Variants in ADGRL3 observed in about 807,000 individuals in gnomAD.
ADGRL3 encodes calcium-independent alpha-latrotoxin receptor 3.
ADGRL3 carries 62 observed loss-of-function variants against 153.5 expected under a neutral mutation model. The observed-to-expected ratio is 0.40, with a 90% CI of 0.33 to 0.50. The LOEUF (loss-of-function observed/expected upper bound fraction) is 0.50. ADGRL3 is among the 20% of genes least tolerant of loss of function. ADGRL3 has a pLI of 0.47. For synonymous variants in ADGRL3, 710 were observed against 672.5 expected, an observed-to-expected ratio of 1.06 and a Z score of -0.86; for missense variants, 1,641 against 1,859.4, an observed-to-expected ratio of 0.88 and a Z score of 2.16.
intron 2 of ADGRL3, among the ~76,000 whole-genome samples, chr4:61,432,181 T>C (rs1028617293): frequency 6.6e-6 from 1 of 152,200 alleles, no homozygotes; most frequent in Admixed American, 6.5e-5. Context: ...ATGTCATAAA[T>C]TTTTGTTGGT....
intron 1 of ADGRL3, among the ~76,000 whole-genome samples, chr4:61,340,423 C>CT (rs371760287): frequency 7.4e-4 from 109 of 148,292 alleles, no homozygotes; most frequent in Admixed American, 4.6e-3. Context: ...TAGGCATTCT[C>CT]TTTTTTTTTT....
At chr4:61,490,970 T>C (rs1436629890) in intron 2 of ADGRL3, among the ~76,000 whole-genome samples, 2 of 152,154 alleles carry the variant, frequency 1.3e-5, no homozygotes, top group African/African-American at 2.4e-5. Context: ...ACATAATATA[T>C]TTTACTGAGT....
At chr4:61,825,054 G>A (rs1272248136) in intron 9 of ADGRL3, among the ~76,000 whole-genome samples, 1 of 152,156 alleles carries the variant, frequency 6.6e-6, no homozygotes, top group East Asian at 1.9e-4. Context: ...TCAATGCCAA[G>A]AAGCACTTTT....
At chr4:61,743,140 G>A (rs530952340) in intron 8 of ADGRL3, among the ~76,000 whole-genome samples, 73 of 151,706 alleles carry the variant, frequency 4.8e-4, no homozygotes, top group African/African-American at 1.1e-3. Flanking sequence ...CTAACATGGC[G>A]AAACCCCGTC....
intron 1 of ADGRL3, among the ~76,000 whole-genome samples, chr4:61,365,718 T>G (rs1307429230): frequency 6.6e-6 from 1 of 152,250 alleles, no homozygotes; most frequent in Non-Finnish European, 1.5e-5. Context: ...CATATAGCAC[T>G]GTAGATCACC....
intron 1 of ADGRL3, among the ~76,000 whole-genome samples, chr4:61,251,888 A>AT (rs879281483): frequency 0.11 from 10,415 of 93,484 alleles, 321 homozygotes; most frequent in Non-Finnish European, 0.13. Context: ...TAATTTTTTT[A>AT]TTTTTTTTTT....
At chr4:61,460,105 T>C (rs1393659893) in intron 2 of ADGRL3, among the ~76,000 whole-genome samples, 1 of 152,108 alleles carries the variant, frequency 6.6e-6, no homozygotes, top group Non-Finnish European at 1.5e-5. Flanking sequence ...TCTGTTTTTG[T>C]TTTTGTTGCC....
chr4:61,440,728 A>G (rs376744483), intron 2 of ADGRL3, among the ~76,000 whole-genome samples: 1 of 152,164 alleles, frequency 6.6e-6, no homozygotes, highest in Admixed American at 6.5e-5. Flanking sequence ...TTATCCTGTC[A>G]TGAATTGTAT....
intron 2 of ADGRL3, among the ~76,000 whole-genome samples, 179 bp from the exon 3 acceptor site, chr4:61,496,940 TAA>T (rs5858706): frequency 0.017 from 2,453 of 144,580 alleles, 43 homozygotes; most frequent in African/African-American, 0.047. Context: ...GACTCCATCT[TAA>T]AAAAAAAAAA....
At chr4:61,532,036 T>C (rs1047382072) in intron 4 of ADGRL3, among the ~76,000 whole-genome samples, 10 of 152,162 alleles carry the variant, frequency 6.6e-5, no homozygotes, top group African/African-American at 2.4e-4. Flanking sequence ...TTCAATCTGT[T>C]TTATAACATG....
At chr4:61,935,727 T>C (rs2098835616) in intron 14 of ADGRL3, among the ~76,000 whole-genome samples, 196 bp from the exon 15 acceptor site, 1 of 152,206 alleles carries the variant, frequency 6.6e-6, no homozygotes, top group Non-Finnish European at 1.5e-5. Flanking sequence ...TTGTATTATT[T>C]ACATAATTTT....
At chr4:61,261,676 A>G (rs760020353) in intron 1 of ADGRL3, among the ~76,000 whole-genome samples, 1 of 152,322 alleles carries the variant, frequency 6.6e-6, no homozygotes, top group South Asian at 2.1e-4. Flanking sequence ...AATAAAAGAG[A>G]CAAATGATTA....
At chr4:61,789,277 CTG>C (rs147159756) in intron 8 of ADGRL3, among the ~76,000 whole-genome samples, 164 of 148,376 alleles carry the variant, frequency 1.1e-3, no homozygotes, top group Middle Eastern at 3.5e-3. Context: ...CTCTCTGTCT[CTG>C]TGTGTGTGTG....
chr4:61,997,425 T>C (rs1005303180), intron 20 of ADGRL3, among the ~76,000 whole-genome samples: 1 of 152,046 alleles, frequency 6.6e-6, no homozygotes, highest in Non-Finnish European at 1.5e-5. Context: ...TTGGGGATGA[T>C]TGATAAAGTA....
intron 2 of ADGRL3, among the ~76,000 whole-genome samples, chr4:61,492,526 C>T (rs528072704): frequency 8.6e-5 from 13 of 151,498 alleles, no homozygotes; most frequent in Admixed American, 2.6e-4. Flanking sequence ...AGCTAATATA[C>T]GATAGAAATA....
intron 5 of ADGRL3, among the ~76,000 whole-genome samples, chr4:61,650,490 A>G (rs1233011868): frequency 1.3e-5 from 2 of 152,144 alleles, no homozygotes; most frequent in East Asian, 1.9e-4. Context: ...TCGTAATGAC[A>G]TATTGTGAAA....
intron 2 of ADGRL3, among the ~76,000 whole-genome samples, chr4:61,391,930 C>T (rs1202827906): frequency 4.1e-5 from 6 of 147,316 alleles, no homozygotes; most frequent in Non-Finnish European, 7.5e-5. Flanking sequence ...CGCGAGCTCG[C>T]CTCACTGCAA....
rs2305339 is a variant in ADGRL3 at position 61,934,836 on chromosome 4, G to T, written c.2113-4G>T. 1.9e-6 allele frequency: 3 copies of T among 1,610,298 alleles called. No homozygotes were observed. The highest frequency in any genetic ancestry group is 2.7e-5 in the African/African-American group (2 of 74,780). ...CCTCTGTCATTCTTTTCATCCTCTT[G>T]TAGGCAATGGTCGAGACAGTTAACA... On this transcript the variant is annotated splice_region_variant and splice_polypyrimidine_tract_variant and intron_variant, in intron 13 of 26. Transcript: ENST00000683033.
chr4:61,693,410 C>CT (rs2095576796), intron 6 of ADGRL3, among the ~76,000 whole-genome samples: 1 of 151,710 alleles, frequency 6.6e-6, no homozygotes, highest in Admixed American at 6.6e-5. Context: ...TGCCAGAACT[C>CT]TAACTGGTAT....
Sources: gnomAD v4.1 joint callset for allele counts (sites outside exome capture counted in the v4.1 genomes callset) on GRCh38, gnomAD v4.1.1 for gene constraint, MANE v1.5 for transcripts, NCBI Gene and HGNC (gene_info 2026-07-23, HGNC 2026-07-21) for gene names.